SH3RF3: variants seen among roughly 807,000 people sequenced by gnomAD.
SH3RF3 encodes the protein E3 ubiquitin-protein ligase SH3RF3.
In SH3RF3, 29 loss-of-function variants were observed where a neutral mutation model predicts 66.3. That is an observed-to-expected ratio of 0.44 (90% CI 0.33 to 0.60). The LOEUF (loss-of-function observed/expected upper bound fraction) is 0.60. SH3RF3 is among the 20% of genes least tolerant of loss of function. The pLI is 0.04. For synonymous variants in SH3RF3, 583 were observed against 532.0 expected (o/e 1.10, Z -1.32); for missense variants, 1,194 against 1,190.9 (o/e 1.00, Z -0.04).
chr2:109,333,071 G>A (rs1290681864), intron 1 of SH3RF3, among the ~76,000 whole-genome samples: 1 of 152,240 alleles, frequency 6.6e-6, no homozygotes, highest in Non-Finnish European at 1.5e-5. Context: ...ACTGCCTGGT[G>A]CCCTGCAGCT....
In SH3RF3 at chr2:109,419,608, G is replaced by A. The variant is rs971943359; in HGVS notation, c.1369G>A (p.Gly457Ser). ...PRAASVSGEQ[G>S]TPPKVQLPLN... ...GGCTGCCTCGGTGTCTGGAGAGCAG[G>A]GCACGCCTCCCAAGGTCCAGCTGCC... is the stretch of plus-strand genomic sequence containing the variant. Residue 457 changes from glycine to serine, a missense_variant, in exon 5 of 10, where the codon GGC becomes AGC. By Grantham distance (56) the Gly-to-Ser change is moderately conservative. Transcript: ENST00000309415. 2 of 1,593,352 alleles carry A rather than the reference G, an allele frequency of 1.3e-6. No individual in the cohort carries two copies. Among genetic ancestry groups the A allele is most frequent in the Admixed American group, 1.7e-5 (1 of 57,172 alleles).
intron 1 of SH3RF3, among the ~76,000 whole-genome samples, chr2:109,192,498 G>A (rs547231621): frequency 2.6e-5 from 4 of 152,240 alleles, no homozygotes; most frequent in Admixed American, 1.3e-4. Context: ...CATTTGTGTT[G>A]GATCAGAGTA....
intron 1 of SH3RF3, among the ~76,000 whole-genome samples, chr2:109,311,808 A>G (rs757366930): frequency 2.6e-5 from 4 of 152,234 alleles, no homozygotes; most frequent in Admixed American, 6.5e-5. Flanking sequence ...AGAGACAGCA[A>G]ACTTTACTAA....
chr2:109,181,681 CA>C (rs1237089906), intron 1 of SH3RF3, among the ~76,000 whole-genome samples: 3 of 152,246 alleles, frequency 2.0e-5, no homozygotes, highest in African/African-American at 7.2e-5. Context: ...CTCCCGGCCA[CA>C]GGGGGTTCCT....
At chr2:109,283,579 C>T (rs1379959455) in intron 1 of SH3RF3, among the ~76,000 whole-genome samples, 2 of 152,180 alleles carry the variant, frequency 1.3e-5, no homozygotes, top group South Asian at 2.1e-4. Context: ...TGGGGGCACA[C>T]TTCAGCCCCT....
chr2:109,335,594 G>A (rs1255166261), intron 1 of SH3RF3, among the ~76,000 whole-genome samples: 3 of 151,854 alleles, frequency 2.0e-5, no homozygotes, highest in Non-Finnish European at 4.4e-5. Flanking sequence ...TGTCCCCTTA[G>A]CACTTAACCA....
At chr2:109,456,832 C>G (rs1321596466) in intron 8 of SH3RF3, among the ~76,000 whole-genome samples, 1 of 152,216 alleles carries the variant, frequency 6.6e-6, no homozygotes. Context: ...TGCCCACTCC[C>G]CATTCTCTGC....
intron 1 of SH3RF3, among the ~76,000 whole-genome samples, chr2:109,183,632 C>T (rs1050201973): frequency 1.3e-5 from 2 of 152,170 alleles, no homozygotes; most frequent in Non-Finnish European, 2.9e-5. Flanking sequence ...CTTCTTTTAT[C>T]CTGCCCGTCC....
intron 1 of SH3RF3, among the ~76,000 whole-genome samples, chr2:109,347,257 A>G (rs1161992613): frequency 6.6e-6 from 1 of 152,174 alleles, no homozygotes; most frequent in Non-Finnish European, 1.5e-5. Flanking sequence ...TGAGTAAGAA[A>G]TTCCGAGCCC....
At chr2:109,313,629 T>G (rs1681789828) in intron 1 of SH3RF3, 1 of 154,992 alleles carries the variant, frequency 6.5e-6, no homozygotes, top group Non-Finnish European at 1.5e-5. Flanking sequence ...GCAGTGGGGC[T>G]CACTGCCTCT....
At chr2:109,268,794 G>T (rs1680561229) in intron 1 of SH3RF3, among the ~76,000 whole-genome samples, 1 of 151,990 alleles carries the variant, frequency 6.6e-6, no homozygotes, top group South Asian at 2.1e-4. Context: ...AGGCTAATGT[G>T]CGTGTTCTGA....
chr2:109,263,784 G>A (rs1340811721), intron 1 of SH3RF3, among the ~76,000 whole-genome samples: 1 of 152,172 alleles, frequency 6.6e-6, no homozygotes, highest in African/African-American at 2.4e-5. Context: ...GGCTAACACT[G>A]TGAAATGCCG....
intron 5 of SH3RF3, among the ~76,000 whole-genome samples, chr2:109,428,760 G>A (rs753957213): frequency 2.0e-5 from 3 of 152,230 alleles, no homozygotes; most frequent in Non-Finnish European, 4.4e-5. Flanking sequence ...GGGTGGCCTT[G>A]GCTGGTCTCG....
intron 1 of SH3RF3, among the ~76,000 whole-genome samples, chr2:109,302,468 G>T (rs1446984534): frequency 6.6e-6 from 1 of 152,242 alleles, no homozygotes; most frequent in Non-Finnish European, 1.5e-5. Context: ...CACAACATGT[G>T]CCTCCTCTTA....
intron 1 of SH3RF3, among the ~76,000 whole-genome samples, chr2:109,311,403 A>G (rs1681719302): frequency 7.2e-6 from 1 of 138,886 alleles, no homozygotes; most frequent in Admixed American, 7.6e-5. Context: ...ATGGGCAAAA[A>G]CTGGAAGCAT....
Position 109,192,304 on chromosome 2 carries a change from C to T in SH3RF3, c.573+62191C>T, listed in dbSNP as rs564667052. On this transcript the variant is annotated intron_variant, in intron 1 of 9. Transcript: ENST00000309415. Reference sequence around the variant, plus strand: ...AAATCGTGGCTTATTGGAAAGTGATCTGAGATGCTTGGATACAAAAAGCAG... The same window carrying T: ...AAATCGTGGCTTATTGGAAAGTGATTTGAGATGCTTGGATACAAAAAGCAG... 1.0e-3 allele frequency among the ~76,000 whole-genome samples: 158 copies of T among 152,308 alleles called. 1 individual carries two copies. Among genetic ancestry groups the T allele is most frequent in the African/African-American group, 3.7e-3 (154 of 41,568 alleles).
In SH3RF3 at chr2:109,206,664, A is replaced by T. The variant is rs111518036; in HGVS notation, c.573+76551A>T. Among the ~76,000 whole-genome samples the T allele has an allele frequency of 9.0e-3, 1,372 of 152,174 alleles. 18 individuals carry two copies. The highest frequency in any genetic ancestry group is 0.031 in the African/African-American group (1,291 of 41,508). The stretch of plus-strand genomic sequence containing the variant: ...TCTCTACAAAAAAAAAATTTTTTTT[A>T]AATTAGCTGGGCATATTAGTGTATG... On this transcript the variant is annotated intron_variant, in intron 1 of 9. Coordinates refer to ENST00000309415, the MANE Select transcript of SH3RF3 (RefSeq NM_001099289.3).
chr2:109,413,114 T>C (rs1313025251), intron 4 of SH3RF3, among the ~76,000 whole-genome samples: 1 of 152,192 alleles, frequency 6.6e-6, no homozygotes, highest in Non-Finnish European at 1.5e-5. Context: ...ATTATCATTA[T>C]TTTATATATA....
intron 2 of SH3RF3, among the ~76,000 whole-genome samples, chr2:109,355,267 A>T (rs939466240): frequency 1.2e-4 from 19 of 152,226 alleles, no homozygotes; most frequent in African/African-American, 3.9e-4. Flanking sequence ...AACAAGTTTC[A>T]TTCATAAAAT....
Sources: allele counts gnomAD v4.1 joint callset (sites outside exome capture counted in the v4.1 genomes callset), GRCh38; gene constraint gnomAD v4.1.1; transcripts MANE v1.5; gene names NCBI Gene and HGNC (gene_info 2026-07-23, HGNC 2026-07-21).